Variants in IL17D observed in about 807,000 individuals in gnomAD.
The protein encoded by IL17D is interleukin 17D, also known as interleukin-17D.
A neutral mutation model predicts 5.7 loss-of-function variants in IL17D; 10 were observed. That is an observed-to-expected ratio of 1.75 (90% confidence interval 1.08 to 2.97). IL17D has a LOEUF of 2.97. IL17D is among the 30% of genes most tolerant of loss of function. IL17D has a pLI of 0.00. For missense variants in IL17D, 354 were observed against 292.7 expected (o/e 1.21, Z -1.53); for synonymous variants, 172 against 141.7 (o/e 1.21, Z -1.52).
chr13:20,718,583 G>A, intron 1 of IL17D, among the ~76,000 whole-genome samples: 1 of 92,154 alleles, frequency 1.1e-5, no homozygotes, highest in African/African-American at 4.5e-5. Context: ...GCTCACACCT[G>A]CCCCCACACA....
chr13:20,706,990 G>A (rs1299067034), intron 1 of IL17D, among the ~76,000 whole-genome samples: 2 of 152,134 alleles, frequency 1.3e-5, no homozygotes, highest in Non-Finnish European at 1.5e-5. Context: ...ATGGGCAAAC[G>A]GAGGTGGGTG....
intron 1 of IL17D, among the ~76,000 whole-genome samples, chr13:20,720,878 C>G (rs1384768971): frequency 1.5e-5 from 2 of 132,564 alleles, no homozygotes; most frequent in African/African-American, 6.0e-5. Context: ...CTCCCAACCC[C>G]CCCCCCCCTC....
chr13:20,703,148 C>T, upstream of IL17D: 1 of 326,278 alleles, frequency 3.1e-6, no homozygotes, highest in Middle Eastern at 1.5e-3. Context: ...CTGCGTGGCG[C>T]AGCACAGGCC....
rs1272349216 is a variant in IL17D, at chr13:20,703,921, C to T, written c.-81C>T. 4 of 819,258 alleles carry T rather than the reference C, an allele frequency of 4.9e-6. No individual in the cohort carries two copies. The highest frequency in any genetic ancestry group is 5.9e-6 in the Non-Finnish European group (4 of 679,120). 50.7% of individuals were successfully genotyped at this position (819,258 alleles called of 1,614,324 possible). On this transcript the variant is annotated 5_prime_UTR_variant, in exon 1 of 2. Transcript: ENST00000682841. The stretch of plus-strand genomic sequence containing the variant: ...AGGCGCCCGCCGGCTCCGGGCGCCG[C>T]GGGCGGGACACGGGCGCGGGGCGCA...
intron 1 of IL17D, chr13:20,712,717 G>T (rs1322180208): frequency 1.3e-5 from 2 of 151,580 alleles, no homozygotes; most frequent in Admixed American, 6.6e-5. Context: ...GACCCCTGTG[G>T]TACGCGCGTC....
rs1469603159 is a variant in IL17D, at chr13:20,721,774, GCGCCGCACCCC to G, written c.434_444del (p.Arg145LeufsTer85). On this transcript the variant is annotated frameshift_variant, in exon 2 of 2. Transcript: ENST00000682841. LOFTEE classifies it low-confidence loss of function (END_TRUNC). ...CTGTCTACATGCCCACCGTCGTCCTGCGCCGCACCCCCGCCTGCGCCGGCGGCCGTTCCGTC... is the reference window on the plus strand; with the variant it reads ...CTGTCTACATGCCCACCGTCGTCCTGCGCCTGCGCCGGCGGCCGTTCCGTC... The G allele has an allele frequency of 6.2e-7, 1 of 1,609,494 alleles. No individual in the cohort carries two copies. The highest frequency in any genetic ancestry group is 1.1e-5 in the South Asian group (1 of 91,044).
rs186565096 is a variant in IL17D, at chr13:20,719,506, C to T, written c.291-2130C>T. 8.1e-4 allele frequency among the ~76,000 whole-genome samples: 124 copies of T among 152,352 alleles called. No homozygotes were observed. In the Middle Eastern group the frequency reaches 0.01, roughly 13 times the overall value. On this transcript the variant is annotated intron_variant, in intron 1 of 1. Coordinates refer to ENST00000682841, the MANE Select transcript of IL17D (RefSeq NM_001385224.1). ...CACCTGCCATACACACATGCTCACACTCATGTTCACGGTCAAATTTCTGTA... is the reference window on the plus strand; with the variant it reads ...CACCTGCCATACACACATGCTCACATTCATGTTCACGGTCAAATTTCTGTA...
chr13:20,721,916 C>G lies in IL17D; in HGVS notation c.571C>G (p.Leu191Val), dbSNP rs772734326. 11 of 1,604,698 alleles carry G rather than the reference C, an allele frequency of 6.9e-6. No individual in the cohort carries two copies. Among genetic ancestry groups the G allele is most frequent in the Admixed American group, 3.3e-5 (2 of 59,842 alleles). Reference protein sequence around the residue: ...NSSIDKQGAKLLLGPNDAPAG... With the variant: ...NSSIDKQGAKVLLGPNDAPAG... ...CAGCATCGACAAACAGGGCGCCAAG[C>G]TCCTGCTGGGCCCCAACGACGCGCC... The change falls in exon 2 of 2, where the codon CTC (leucine) becomes GTC (valine). Residue 191 changes from leucine to valine, a missense_variant. Physicochemically the swap from Leu to Val is conservative, Grantham distance 32. Coordinates refer to ENST00000682841, the MANE Select transcript of IL17D (RefSeq NM_001385224.1).
chr13:20,721,898 G>A lies in IL17D; in HGVS notation c.553G>A (p.Asp185Asn). Residue 185 changes from aspartate to asparagine, a missense_variant, in exon 2 of 2, where the codon GAC (aspartate) becomes AAC (asparagine). Physicochemically the swap from Asp to Asn is conservative, Grantham distance 23. Transcript: ENST00000682841. The part of the protein sequence containing the change: ...KDADSINSSI[D>N]KQGAKLLLGP... ...CGCAGACAGCATCAACTCCAGCATC[G>A]ACAAACAGGGCGCCAAGCTCCTGCT... 1 of 1,607,686 alleles carries A rather than the reference G, an allele frequency of 6.2e-7. No individual in the cohort carries two copies. Among genetic ancestry groups the A allele is most frequent in the South Asian group, 1.1e-5 (1 of 90,904 alleles).
intron 1 of IL17D, among the ~76,000 whole-genome samples, chr13:20,719,739 T>C (rs1394189517): frequency 1.3e-5 from 2 of 151,840 alleles, no homozygotes. Context: ...CTTTAGGGGG[T>C]CCACAAATGC....
At position 20,722,002 on chromosome 13, in the gene IL17D, C is replaced by G. The variant is rs1202236608; in HGVS notation, c.*48C>G. On this transcript the variant is annotated 3_prime_UTR_variant, in exon 2 of 2. Transcript: ENST00000682841. Reference sequence around the variant, plus strand: ...CTCCCCGGCCCGCATCCCGAGGCGCCCAAGCTGGAGCCGCCTGGAGGGCTC... The same window carrying G: ...CTCCCCGGCCCGCATCCCGAGGCGCGCAAGCTGGAGCCGCCTGGAGGGCTC... 2.4e-5 allele frequency: 35 copies of G among 1,478,312 alleles called. No homozygotes were observed. The highest frequency in any genetic ancestry group is 3.1e-5 in the Non-Finnish European group (35 of 1,113,708). 91.6% of individuals were successfully genotyped at this position (1,478,312 alleles called of 1,614,324 possible). A position where few individuals can be genotyped will look rare whatever the true frequency, so the allele number is the denominator to read the frequency against.
chr13:20,722,065 A>T lies in IL17D; in HGVS notation c.*111A>T, dbSNP rs943487227. The T allele has an allele frequency of 7.9e-6, 7 of 884,630 alleles. No homozygotes were observed. Among genetic ancestry groups the T allele is most frequent in the South Asian group, 3.7e-5 (2 of 54,198 alleles). 54.8% of individuals were successfully genotyped at this position (884,630 alleles called of 1,614,324 possible). ...CTGAAGAGAGTGCACCGAGCAAACCAAGTGCCGGAGCACCAGCGCCGCCTT... is the reference window on the plus strand; with the variant it reads ...CTGAAGAGAGTGCACCGAGCAAACCTAGTGCCGGAGCACCAGCGCCGCCTT... On this transcript the variant is annotated 3_prime_UTR_variant, in exon 2 of 2. Transcript: ENST00000682841.
At chr13:20,702,610 T>C (rs1303958682), upstream of IL17D, 2 of 152,234 alleles carry the variant, frequency 1.3e-5, no homozygotes, top group Non-Finnish European at 2.9e-5. Context: ...ATATAGTTCG[T>C]TTTAGTTTCT....
chr13:20,711,082 C>T (rs544401356), intron 1 of IL17D, among the ~76,000 whole-genome samples: 13 of 151,900 alleles, frequency 8.6e-5, no homozygotes, highest in Admixed American at 6.6e-4. Flanking sequence ...CTGACCAACA[C>T]GGAGAAACCC....
At chr13:20,707,332 C>G (rs2058598484) in intron 1 of IL17D, among the ~76,000 whole-genome samples, 1 of 150,040 alleles carries the variant, frequency 6.7e-6, no homozygotes, top group African/African-American at 2.5e-5. Context: ...GTCATGTTTG[C>G]CTGTGGTCCC....
chr13:20,710,485 C>T lies in IL17D; in HGVS notation c.290+6194C>T, dbSNP rs999558914. Among the ~76,000 whole-genome samples the T allele has an allele frequency of 8.1e-4, 116 of 144,058 alleles. 2 individuals are homozygous for T. The East Asian group carries it at 0.018, about 23-fold the overall frequency. 94.5% of individuals were successfully genotyped at this position (144,058 alleles called of 152,430 possible). A position where few individuals can be genotyped will look rare whatever the true frequency, so the allele number is the denominator to read the frequency against. On this transcript the variant is annotated intron_variant, in intron 1 of 1. Transcript: ENST00000682841. ...AAAAAAAAAAAAATACGAAATTAGCCGGGCATGGTGGCACATGCCTGTAAT... is the reference window on the plus strand; with the variant it reads ...AAAAAAAAAAAAATACGAAATTAGCTGGGCATGGTGGCACATGCCTGTAAT...
intron 1 of IL17D, among the ~76,000 whole-genome samples, chr13:20,721,259 C>T (rs2058731463): frequency 6.6e-6 from 1 of 152,226 alleles, no homozygotes; most frequent in South Asian, 2.1e-4. Context: ...GGTGGACGCT[C>T]CCCTCGGGGT....
intron 1 of IL17D, among the ~76,000 whole-genome samples, chr13:20,718,590 C>CTT (rs2058699836): frequency 3.6e-5 from 5 of 140,056 alleles, no homozygotes; most frequent in Admixed American, 2.8e-4. Context: ...CCTGCCCCCA[C>CTT]ACACCTGCCC....
intron 1 of IL17D, among the ~76,000 whole-genome samples, chr13:20,709,073 T>A (rs2141384994): frequency 6.6e-6 from 1 of 151,112 alleles, no homozygotes; most frequent in South Asian, 2.1e-4. Context: ...ACTCAAACGC[T>A]TGACACAGAA....
Sources: allele counts gnomAD v4.1 joint callset (sites outside exome capture counted in the v4.1 genomes callset), GRCh38; gene constraint gnomAD v4.1.1; transcripts MANE v1.5; gene names NCBI Gene and HGNC (gene_info 2026-07-23, HGNC 2026-07-21).